PDZD2: variants seen among roughly 807,000 people sequenced by gnomAD.
PDZD2 encodes PDZ domain containing 2.
Under a neutral mutation model 220.7 loss-of-function variants are expected in PDZD2, and 90 were observed. The ratio of observed to expected loss-of-function variants is 0.41; its 90% CI spans 0.34 to 0.49. PDZD2 has a LOEUF of 0.49. Ranked by LOEUF, PDZD2 falls within the 20% of genes least tolerant of loss-of-function variation. The pLI, the probability that PDZD2 is intolerant of heterozygous loss-of-function variation, is 0.28. For missense variants in PDZD2, 3,174 were observed against 3,608.5 expected (o/e 0.88, Z 3.08); for synonymous variants, 1,375 against 1,450.5 (o/e 0.95, Z 1.18).
At chr5:31,941,624 C>G (rs887312513) in intron 2 of PDZD2, among the ~76,000 whole-genome samples, 1 of 152,184 alleles carries the variant, frequency 6.6e-6, no homozygotes, top group African/African-American at 2.4e-5. Flanking sequence ...GTGAAATGTA[C>G]GTACTTGGGG....
chr5:31,734,465 A>T (rs544042182), intron 1 of PDZD2, among the ~76,000 whole-genome samples: 3 of 152,098 alleles, frequency 2.0e-5, no homozygotes, highest in African/African-American at 7.2e-5. Context: ...GATTACGGGC[A>T]CCCGCCACCA....
At position 32,057,747 on chromosome 5, in the gene PDZD2, A is replaced by G; in HGVS notation, c.1974+19A>G. On this transcript the variant is annotated intron_variant, in intron 11 of 24. Coordinates refer to ENST00000438447, the MANE Select transcript of PDZD2 (RefSeq NM_178140.4). ...CTTTAAGGTAACAACATTCTTATTG[A>G]TCTCCTTTATCCTATTTTCCTTTCT... The G allele has an allele frequency of 1.3e-6, 2 of 1,500,994 alleles. No homozygotes were observed. Among genetic ancestry groups the G allele is most frequent in the Non-Finnish European group, 1.9e-6 (2 of 1,080,420 alleles). The allele number at this position is 1,500,994 out of a possible 1,614,324, so 93.0% of individuals were successfully genotyped here.
At chr5:31,807,220 G>T (rs4867384) in intron 2 of PDZD2, among the ~76,000 whole-genome samples, 1 of 152,188 alleles carries the variant, frequency 6.6e-6, no homozygotes, top group Non-Finnish European at 1.5e-5. Flanking sequence ...ACAGGCATGA[G>T]CCACTGCACC....
chr5:31,937,151 G>T (rs1474132302), intron 2 of PDZD2, among the ~76,000 whole-genome samples: 1 of 152,196 alleles, frequency 6.6e-6, no homozygotes, highest in Non-Finnish European at 1.5e-5. Flanking sequence ...TGTGATAAGA[G>T]AAGTAGAACA....
rs544840652 is a variant in PDZD2 at position 31,795,139 on chromosome 5, A to G, written c.-360-3750A>G. ...AGATTAAATTTAACTTCTCTGTAAC[A>G]TGAGAAAATAAATACTAAGGAATAA... On this transcript the variant is annotated intron_variant, in intron 1 of 24. Transcript: ENST00000438447. Among the ~76,000 whole-genome samples, 18 of 152,350 alleles carry G rather than the reference A, an allele frequency of 1.2e-4. 1 individual carries two copies. In the South Asian group the frequency reaches 3.3e-3, roughly 28 times the overall value.
intron 6 of PDZD2, among the ~76,000 whole-genome samples, chr5:32,036,568 G>A (rs538813008): frequency 2.0e-5 from 3 of 152,264 alleles, no homozygotes; most frequent in South Asian, 4.2e-4. Flanking sequence ...CAGACTTTGT[G>A]TATCACCTCC....
At chr5:32,100,079 C>A in intron 23 of PDZD2, 1 of 152,354 alleles carries the variant, frequency 6.6e-6, no homozygotes, top group Non-Finnish European at 1.5e-5. Flanking sequence ...TTCACGTTCC[C>A]AGGTGACTCC....
At chr5:32,069,426 A>T in intron 14 of PDZD2, 143 bp from the exon 15 acceptor site, 1 of 623,442 alleles carries the variant, frequency 1.6e-6, no homozygotes, top group South Asian at 1.9e-5. Flanking sequence ...GCTCTGAGTT[A>T]CAGCTTCGGA....
chr5:32,028,675 G>GT (rs1554028497), intron 6 of PDZD2, among the ~76,000 whole-genome samples: 31 of 46,642 alleles, frequency 6.6e-4, no homozygotes, highest in African/African-American at 8.7e-4. Flanking sequence ...TTTTTTTTTT[G>GT]TTTTTTTTGT....
intron 1 of PDZD2, among the ~76,000 whole-genome samples, chr5:31,672,498 C>T (rs1746252880): frequency 6.6e-6 from 1 of 152,198 alleles, no homozygotes; most frequent in Non-Finnish European, 1.5e-5. Flanking sequence ...CCCTGCCAAC[C>T]CCACCTCCAG....
chr5:31,779,616 G>A (rs1240034802), intron 1 of PDZD2, among the ~76,000 whole-genome samples: 9 of 151,984 alleles, frequency 5.9e-5, no homozygotes, highest in South Asian at 2.1e-4. Flanking sequence ...CTCGTGATCC[G>A]CCTGCCTCGG....
intron 2 of PDZD2, among the ~76,000 whole-genome samples, chr5:31,944,971 C>T (rs533846958): frequency 1.3e-5 from 2 of 152,334 alleles, no homozygotes; most frequent in South Asian, 2.1e-4. Context: ...AGATGCTCTG[C>T]GCTCAGGAGG....
Position 32,072,337 on chromosome 5 carries a change from A to G in PDZD2, c.2725+20A>G. On this transcript the variant is annotated intron_variant, in intron 17 of 24. Transcript: ENST00000438447. ...CCTCCAGTAAGCAGGGGTGCCCCAG[A>G]GGGCCTGGGCTCTGCATTCCAGTCA... 1 of 1,597,546 alleles carries G rather than the reference A, an allele frequency of 6.3e-7. No individual in the cohort carries two copies. Among genetic ancestry groups the G allele is most frequent in the South Asian group, 1.1e-5 (1 of 88,942 alleles).
At chr5:32,058,207 T>C (rs561325726) in intron 12 of PDZD2, 104 bp downstream of exon 12, 1 of 683,664 alleles carries the variant, frequency 1.5e-6, no homozygotes, top group Admixed American at 2.3e-5. Flanking sequence ...ATTCCTTTGG[T>C]ACAATCTTCT....
chr5:32,058,786 C>A (rs926760210), intron 12 of PDZD2, among the ~76,000 whole-genome samples: 4 of 152,010 alleles, frequency 2.6e-5, no homozygotes, highest in African/African-American at 9.7e-5. Flanking sequence ...AACTAGAATT[C>A]ATGCGTGATC....
At chr5:31,773,915 C>G (rs986524006) in intron 1 of PDZD2, among the ~76,000 whole-genome samples, 3 of 151,998 alleles carry the variant, frequency 2.0e-5, no homozygotes, top group Non-Finnish European at 2.9e-5. Context: ...AGTGATCTAC[C>G]CGCTTTACAG....
chr5:32,090,395 G>A lies in PDZD2; in HGVS notation c.6947G>A (p.Arg2316Lys). Reference protein sequence around the residue: ...CLVTDKIKVTRRHYCYEQNWP... With the variant: ...CLVTDKIKVTKRHYCYEQNWP... ...GTCACAGACAAAATCAAAGTCACCAGACGACACTACTGCTATGAGCAGAAC... is the reference window on the plus strand; with the variant it reads ...GTCACAGACAAAATCAAAGTCACCAAACGACACTACTGCTATGAGCAGAAC... The change falls in exon 20 of 25, where the codon AGA becomes AAA. Residue 2316 changes from arginine (R) to lysine (K), a missense_variant. Around this residue, in one of 4 missense-constraint regions of PDZD2, gnomAD observed 631 missense variants for 789.9 expected, o/e 0.80. Coordinates refer to ENST00000438447, the MANE Select transcript of PDZD2 (RefSeq NM_178140.4). This position sits in a 1 kb window ranked among gnomAD's most constrained non-coding sequence, Gnocchi z 4.3. The A allele has an allele frequency of 6.2e-7, 1 of 1,614,208 alleles. No individual in the cohort carries two copies. The highest frequency in any genetic ancestry group is 8.5e-7 in the Non-Finnish European group (1 of 1,180,024).
chr5:32,107,875 A>ATAT (rs1561622440), intron 24 of PDZD2, 94 bp from the exon 25 acceptor site: 1 of 686,152 alleles, frequency 1.5e-6, no homozygotes, highest in Non-Finnish European at 2.4e-6. Flanking sequence ...TATTATTTAG[A>ATAT]TATTTTTATC....
chr5:31,763,870 T>TTA (rs1401600794), intron 1 of PDZD2, among the ~76,000 whole-genome samples: 4 of 137,536 alleles, frequency 2.9e-5, no homozygotes, highest in African/African-American at 5.4e-5. Flanking sequence ...GCCCTCTGAT[T>TTA]AAAAAAAAAA....
Sources: allele counts gnomAD v4.1 joint callset (sites outside exome capture counted in the v4.1 genomes callset), GRCh38; gene constraint gnomAD v4.1.1; regional missense constraint gnomAD v4.1.1; non-coding constraint Gnocchi (gnomAD v3.1); transcripts MANE v1.5; gene names NCBI Gene and HGNC (gene_info 2026-07-23, HGNC 2026-07-21).